Variants in CNTN5 observed in about 807,000 individuals in gnomAD.
The protein encoded by CNTN5 is contactin-5.
Under a neutral mutation model 129.1 loss-of-function variants are expected in CNTN5, and 77 were observed. The ratio of observed to expected loss-of-function variants is 0.60; its 90% CI spans 0.50 to 0.72. The LOEUF (loss-of-function observed/expected upper bound fraction) is 0.72, where lower values mean the gene tolerates loss of function less well. Ranked by LOEUF, CNTN5 falls within the 30% of genes least tolerant of loss-of-function variation. The pLI, the probability that CNTN5 is intolerant of heterozygous loss-of-function variation, is 0.00. For synonymous variants in CNTN5, 509 were observed against 465.6 expected (o/e 1.09, Z -1.20); for missense variants, 1,478 against 1,328.8 (o/e 1.11, Z -1.75).
intron 3 of CNTN5, among the ~76,000 whole-genome samples, chr11:99,774,576 A>G (rs981899394): frequency 4.7e-4 from 71 of 151,968 alleles, no homozygotes; most frequent in African/African-American, 1.6e-3. Context: ...GGAGGCCTAC[A>G]TTGTCTCTCC....
intron 1 of CNTN5, among the ~76,000 whole-genome samples, chr11:99,197,175 A>G (rs1858945122): frequency 6.6e-6 from 1 of 152,006 alleles, no homozygotes; most frequent in African/African-American, 2.4e-5. Flanking sequence ...TTCTTAACAC[A>G]TCCCAAAGAA....
At chr11:99,886,910 A>G (rs994798456) in intron 6 of CNTN5, among the ~76,000 whole-genome samples, 6 of 152,118 alleles carry the variant, frequency 3.9e-5, no homozygotes, top group African/African-American at 1.4e-4. Context: ...TTAAAAAAGG[A>G]TCTATAAGCG....
At chr11:99,887,067 G>T (rs1948919989) in intron 6 of CNTN5, among the ~76,000 whole-genome samples, 1 of 152,016 alleles carries the variant, frequency 6.6e-6, no homozygotes, top group African/African-American at 2.4e-5. Flanking sequence ...CCATAACTCA[G>T]GATTATGTTA....
At chr11:99,191,118 A>G (rs1280140728) in intron 1 of CNTN5, among the ~76,000 whole-genome samples, 1 of 151,702 alleles carries the variant, frequency 6.6e-6, no homozygotes, top group Admixed American at 6.6e-5. Flanking sequence ...TTGTTTCTTC[A>G]TTCTGTTGAT....
chr11:100,182,935 T>C (rs1948181819), intron 13 of CNTN5, among the ~76,000 whole-genome samples: 1 of 151,260 alleles, frequency 6.6e-6, no homozygotes, highest in South Asian at 2.1e-4. Flanking sequence ...TGAAATCTAA[T>C]GAATAAATTG....
chr11:100,083,392 A>C (rs1944433149), intron 13 of CNTN5, among the ~76,000 whole-genome samples: 1 of 70,780 alleles, frequency 1.4e-5, no homozygotes, highest in Non-Finnish European at 2.4e-5. Flanking sequence ...GAACTGAGCA[A>C]GAACTCACTT....
chr11:100,213,273 G>A (rs1431161179), intron 15 of CNTN5, among the ~76,000 whole-genome samples: 2 of 152,090 alleles, frequency 1.3e-5, no homozygotes, highest in Non-Finnish European at 2.9e-5. Flanking sequence ...AAATTCAAAT[G>A]TGTACAACTT....
At chr11:99,262,949 T>A (rs1862710026) in intron 1 of CNTN5, among the ~76,000 whole-genome samples, 1 of 152,024 alleles carries the variant, frequency 6.6e-6, no homozygotes, top group Non-Finnish European at 1.5e-5. Context: ...CTGGATGGGT[T>A]TGAATATTAT....
At chr11:99,235,576 T>C (rs1251578753) in intron 1 of CNTN5, among the ~76,000 whole-genome samples, 1 of 152,184 alleles carries the variant, frequency 6.6e-6, no homozygotes. Flanking sequence ...ATCCTTACAA[T>C]AGGTATAACT....
At chr11:99,807,933 G>A (rs1441442805) in intron 3 of CNTN5, among the ~76,000 whole-genome samples, 1 of 151,958 alleles carries the variant, frequency 6.6e-6, no homozygotes, top group Admixed American at 6.6e-5. Flanking sequence ...GACTCTTCAG[G>A]TACCACCGTT....
intron 2 of CNTN5, among the ~76,000 whole-genome samples, chr11:99,401,237 A>G (rs1247188865): frequency 6.6e-6 from 1 of 152,092 alleles, no homozygotes; most frequent in Admixed American, 6.6e-5. Context: ...TCTTTGATCC[A>G]TTTTGATTTG....
chr11:100,351,348 A>ATT (rs1209259179), intron 24 of CNTN5, among the ~76,000 whole-genome samples: 1 of 151,628 alleles, frequency 6.6e-6, no homozygotes, highest in East Asian at 1.9e-4. Flanking sequence ...AATATTAATA[A>ATT]TTGCTAGCTT....
At chr11:100,135,788 T>C (rs1021908986) in intron 13 of CNTN5, among the ~76,000 whole-genome samples, 1 of 152,152 alleles carries the variant, frequency 6.6e-6, no homozygotes, top group Non-Finnish European at 1.5e-5. Flanking sequence ...TAGTTGCTGG[T>C]ATTATTTTGT....
chr11:99,857,014 C>G (rs1948057782), intron 6 of CNTN5, among the ~76,000 whole-genome samples: 1 of 146,812 alleles, frequency 6.8e-6, no homozygotes, highest in Non-Finnish European at 1.5e-5. Context: ...CCTTCCCTCT[C>G]TCTCTATCTA....
intron 15 of CNTN5, among the ~76,000 whole-genome samples, chr11:100,222,333 A>G (rs181745717): frequency 5.9e-5 from 9 of 152,286 alleles, no homozygotes; most frequent in Admixed American, 2.6e-4. Flanking sequence ...GACAACATAG[A>G]AAAGATAATC....
At chr11:99,358,254 G>GGTTTTTTTTTT (rs1938837823) in intron 2 of CNTN5, among the ~76,000 whole-genome samples, 1 of 4,818 alleles carries the variant, frequency 2.1e-4, no homozygotes, top group Non-Finnish European at 3.7e-4. Context: ...ACGCCCTGCT[G>GGTTTTTTTTTT]ATTTTTTTTT....
intron 2 of CNTN5, among the ~76,000 whole-genome samples, chr11:99,440,869 A>C (rs1943800669): frequency 6.6e-6 from 1 of 152,228 alleles, no homozygotes; most frequent in Non-Finnish European, 1.5e-5. Flanking sequence ...ATACGTAATT[A>C]GCTGTGTGTT....
intron 2 of CNTN5, among the ~76,000 whole-genome samples, chr11:99,440,214 A>G (rs950186066): frequency 1.3e-5 from 2 of 152,114 alleles, no homozygotes; most frequent in Non-Finnish European, 2.9e-5. Flanking sequence ...GCTAATTTTT[A>G]GTGAATTAAG....
chr11:99,691,259 G>T (rs1232173947), intron 3 of CNTN5, among the ~76,000 whole-genome samples: 3 of 150,914 alleles, frequency 2.0e-5, no homozygotes, highest in Non-Finnish European at 4.4e-5. Context: ...CTTTAACTCA[G>T]CTCTGATCTT....
Sources: allele counts gnomAD v4.1 joint callset (sites outside exome capture counted in the v4.1 genomes callset), GRCh38; gene constraint gnomAD v4.1.1; transcripts MANE v1.5; gene names NCBI Gene and HGNC (gene_info 2026-07-23, HGNC 2026-07-21).